PEBP4: variants seen among roughly 807,000 people sequenced by gnomAD.
PEBP4 encodes phosphatidylethanolamine-binding protein 4.
PEBP4 carries 22 observed loss-of-function variants against 23.9 expected under a neutral mutation model. The ratio of observed to expected loss-of-function variants is 0.92; its 90% CI spans 0.66 to 1.31. PEBP4 has a LOEUF of 1.31. Ranked by LOEUF, PEBP4 falls within the 40% of genes most tolerant of loss-of-function variation. PEBP4 has a pLI of 0.00. For missense variants in PEBP4, 324 were observed against 281.7 expected, an observed-to-expected ratio of 1.15 and a Z score of -1.07; for synonymous variants, 112 against 99.3, an observed-to-expected ratio of 1.13 and a Z score of -0.76.
At chr8:22,739,187 C>T (rs1280981970) in intron 4 of PEBP4, among the ~76,000 whole-genome samples, 2 of 151,778 alleles carry the variant, frequency 1.3e-5, no homozygotes, top group African/African-American at 2.4e-5. Context: ...AGGCAGTCGA[C>T]CAAGAGGCAG....
intron 4 of PEBP4, among the ~76,000 whole-genome samples, chr8:22,760,841 CA>C (rs1805492875): frequency 6.6e-6 from 1 of 152,160 alleles, no homozygotes; most frequent in Admixed American, 6.5e-5. Context: ...TGAACTCTGG[CA>C]AAGGTTCCCC....
At chr8:22,863,339 T>C (rs1029787975) in intron 3 of PEBP4, among the ~76,000 whole-genome samples, 4 of 152,166 alleles carry the variant, frequency 2.6e-5, no homozygotes, top group South Asian at 4.1e-4. Flanking sequence ...CTGGCTCCAA[T>C]TGGAACACAA....
chr8:22,862,799 CTTTTT>C (rs3060707), intron 3 of PEBP4, among the ~76,000 whole-genome samples: 3 of 110,892 alleles, frequency 2.7e-5, no homozygotes, highest in Non-Finnish European at 1.9e-5. Flanking sequence ...CCCTCATAAC[CTTTTT>C]TTTTTTTTTT....
At chr8:22,791,577 C>T (rs1806141770) in intron 4 of PEBP4, among the ~76,000 whole-genome samples, 1 of 152,036 alleles carries the variant, frequency 6.6e-6, no homozygotes, top group South Asian at 2.1e-4. Flanking sequence ...TGTGCGCGCA[C>T]ACGCATGCAC....
chr8:22,932,997 T>A lies in PEBP4; in HGVS notation c.145-5277A>T, dbSNP rs1585163330. ...TCTAGCCTGGGCAACAGAGCAAGAC[T>A]CCGTCTCCAAAAAAAAAAAAAAAGG... On this transcript the variant is annotated intron_variant, in intron 1 of 1. Coordinates refer to the PEBP4 transcript ENST00000522278. 3.7e-5 allele frequency among the ~76,000 whole-genome samples: 4 copies of A among 109,186 alleles called. 1 individual carries two copies. In the Admixed American group the frequency reaches 4.2e-4, roughly 11 times the overall value. 71.6% of individuals were successfully genotyped at this position (109,186 alleles called of 152,430 possible). A position where few individuals can be genotyped will look rare whatever the true frequency, so the allele number is the denominator to read the frequency against.
At chr8:22,751,239 G>C (rs1001910484) in intron 4 of PEBP4, among the ~76,000 whole-genome samples, 4 of 152,178 alleles carry the variant, frequency 2.6e-5, no homozygotes, top group Non-Finnish European at 5.9e-5. Context: ...ACGAGTAGGA[G>C]AGCAGAGGAA....
chr8:22,814,580 CA>C (rs1267373781), intron 4 of PEBP4, among the ~76,000 whole-genome samples: 1 of 152,144 alleles, frequency 6.6e-6, no homozygotes, highest in Admixed American at 6.5e-5. Flanking sequence ...TTCCTATGGC[CA>C]TGGCCTGATC....
intron 3 of PEBP4, among the ~76,000 whole-genome samples, chr8:22,831,577 T>C (rs955639070): frequency 6.6e-6 from 1 of 152,112 alleles, no homozygotes; most frequent in African/African-American, 2.4e-5. Context: ...CCTCTGCCTT[T>C]GAGGACATAG....
At chr8:22,882,279 G>A (rs1377692759) in intron 3 of PEBP4, among the ~76,000 whole-genome samples, 2 of 152,236 alleles carry the variant, frequency 1.3e-5, no homozygotes, top group African/African-American at 4.8e-5. Context: ...GACATGGGAT[G>A]TCTTAGTCCA....
At chr8:22,829,624 T>A (rs1049348073) in intron 3 of PEBP4, among the ~76,000 whole-genome samples, 1 of 151,980 alleles carries the variant, frequency 6.6e-6, no homozygotes, top group East Asian at 1.9e-4. Context: ...AAGGAAGAGA[T>A]TGCTTCCTCT....
intron 4 of PEBP4, among the ~76,000 whole-genome samples, chr8:22,751,298 C>A (rs1293129720): frequency 6.6e-6 from 1 of 152,084 alleles, no homozygotes; most frequent in East Asian, 1.9e-4. Context: ...CTGGGAGAGA[C>A]CCGTGAGCTC....
At chr8:22,838,697 T>TGGGGCGATGCC (rs1563232814) in intron 3 of PEBP4, among the ~76,000 whole-genome samples, 1 of 152,192 alleles carries the variant, frequency 6.6e-6, no homozygotes, top group Non-Finnish European at 1.5e-5. Flanking sequence ...GGGGCGATGC[T>TGGGGCGATGCC]GCCAGGCCTG....
At chr8:22,733,970 GA>G (rs956115491) in intron 4 of PEBP4, among the ~76,000 whole-genome samples, 1 of 152,144 alleles carries the variant, frequency 6.6e-6, no homozygotes, top group African/African-American at 2.4e-5. Flanking sequence ...TTGAGGGTGG[GA>G]AGGAAGAAAT....
intron 3 of PEBP4, among the ~76,000 whole-genome samples, chr8:22,897,299 C>G (rs973053076): frequency 6.6e-6 from 1 of 152,028 alleles, no homozygotes; most frequent in Non-Finnish European, 1.5e-5. Flanking sequence ...CACACTGCAA[C>G]GGGATGTGAT....
At chr8:22,868,535 C>T (rs1478730843) in intron 3 of PEBP4, among the ~76,000 whole-genome samples, 1 of 152,168 alleles carries the variant, frequency 6.6e-6, no homozygotes, top group East Asian at 1.9e-4. Flanking sequence ...CAACCCTGAA[C>T]TCTAAACCCA....
At chr8:22,741,757 C>G (rs796958278) in intron 4 of PEBP4, among the ~76,000 whole-genome samples, 1 of 152,194 alleles carries the variant, frequency 6.6e-6, no homozygotes, top group Non-Finnish European at 1.5e-5. Flanking sequence ...ACCGTCCCCC[C>G]GGCAGGCAGG....
chr8:22,915,885 A>G (rs58792014), intron 3 of PEBP4, among the ~76,000 whole-genome samples: 22,197 of 152,202 alleles, frequency 0.15, 1,924 homozygotes, highest in East Asian at 0.25. Context: ...GGGGCGGTGG[A>G]CCTGTGAGTT....
intron 4 of PEBP4, among the ~76,000 whole-genome samples, chr8:22,779,763 G>A (rs570985574): frequency 7.7e-4 from 117 of 152,278 alleles, no homozygotes; most frequent in Non-Finnish European, 1.5e-4. Context: ...GCAGGGCTTC[G>A]AATATATGCA....
At chr8:22,924,105 G>A (rs1809271955) in intron 2 of PEBP4, among the ~76,000 whole-genome samples, 1 of 152,192 alleles carries the variant, frequency 6.6e-6, no homozygotes, top group African/African-American at 2.4e-5. Context: ...GTGCATGCCT[G>A]TAATACCGGC....
Sources: gnomAD v4.1 joint callset for allele counts (sites outside exome capture counted in the v4.1 genomes callset) on GRCh38, gnomAD v4.1.1 for gene constraint, MANE v1.5 for transcripts, NCBI Gene and HGNC (gene_info 2026-07-23, HGNC 2026-07-21) for gene names.